Variants in RYR2 observed in about 807,000 individuals in gnomAD.
RYR2 encodes ryanodine receptor 2.
RYR2 carries 227 observed loss-of-function variants against 601.1 expected under a neutral mutation model. The observed-to-expected ratio is 0.38, with a 90% CI of 0.34 to 0.42. RYR2 has a LOEUF of 0.42. RYR2 is among the 10% of genes least tolerant of loss of function. RYR2 has a pLI of 1.00. For synonymous variants in RYR2, 2,223 were observed against 2,175.1 expected (o/e 1.02, Z -0.61); for missense variants, 4,646 against 6,156.5 (o/e 0.75, Z 8.21).
At chr1:237,577,682 A>G (rs1211559085) in intron 29 of RYR2, among the ~76,000 whole-genome samples, 2 of 147,026 alleles carry the variant, frequency 1.4e-5, no homozygotes, top group Non-Finnish European at 3.0e-5. Context: ...CTGTTGAGCA[A>G]TAGGTTGGTA....
intron 17 of RYR2, among the ~76,000 whole-genome samples, chr1:237,481,727 A>C (rs1662113196): frequency 6.6e-6 from 1 of 150,930 alleles, no homozygotes; most frequent in African/African-American, 2.4e-5. Flanking sequence ...GAACCCTCTC[A>C]GATGCACAGG....
chr1:237,812,888 G>T (rs1048087602), intron 100 of RYR2, among the ~76,000 whole-genome samples: 3 of 95,798 alleles, frequency 3.1e-5, no homozygotes, highest in Admixed American at 3.1e-4. Context: ...AGAGAAAAAT[G>T]TATAAGTTTT....
At chr1:237,243,386 C>T (rs948753096) in intron 1 of RYR2, among the ~76,000 whole-genome samples, 1 of 138,194 alleles carries the variant, frequency 7.2e-6, no homozygotes, top group Non-Finnish European at 1.7e-5. Context: ...GATCAGCTCA[C>T]GGAACTCAGG....
At chr1:237,357,656 A>C (rs1253596023) in intron 4 of RYR2, among the ~76,000 whole-genome samples, 1 of 152,150 alleles carries the variant, frequency 6.6e-6, no homozygotes, top group Non-Finnish European at 1.5e-5. Context: ...AAATCATTGC[A>C]GTAGAGATTG....
At position 237,180,235 on chromosome 1, in the gene RYR2, C is replaced by T. The variant is rs902597664; in HGVS notation, c.49-90262C>T. On this transcript the variant is annotated intron_variant, in intron 1 of 104. Transcript: ENST00000366574. This position sits in a 1 kb window ranked among gnomAD's most constrained non-coding sequence, Gnocchi z 5.3. ...CTCCTGGGGCTGGCTAGAGGACAGA[C>T]AGGGGTGAGCACAGCTCAGGTGAGG... is the stretch of plus-strand genomic sequence containing the variant. Among the ~76,000 whole-genome samples the T allele has an allele frequency of 2.6e-5, 4 of 150,966 alleles. No homozygotes were observed. Among genetic ancestry groups the T allele is most frequent in the Non-Finnish European group, 1.5e-5 (1 of 68,010 alleles).
At chr1:237,377,944 G>C (rs1207881906) in intron 8 of RYR2, among the ~76,000 whole-genome samples, 1 of 152,204 alleles carries the variant, frequency 6.6e-6, no homozygotes, top group Non-Finnish European at 1.5e-5. Flanking sequence ...GCTGGAAATG[G>C]GAGAATGAAG....
chr1:237,182,679 A>G (rs1678910940), intron 1 of RYR2, among the ~76,000 whole-genome samples: 1 of 152,224 alleles, frequency 6.6e-6, no homozygotes. Context: ...ATTGTTAGTT[A>G]CAACGGTATA....
intron 29 of RYR2, among the ~76,000 whole-genome samples, chr1:237,588,839 A>T (rs952475465): frequency 1.3e-5 from 2 of 152,098 alleles, no homozygotes; most frequent in African/African-American, 4.8e-5. Flanking sequence ...TCTCAAAAAA[A>T]AAAAAGAGTA....
At chr1:237,384,149 T>C (rs552303352) in intron 8 of RYR2, among the ~76,000 whole-genome samples, 1 of 152,356 alleles carries the variant, frequency 6.6e-6, no homozygotes, top group East Asian at 1.9e-4. Context: ...TAGAGAACTT[T>C]ATATGACTGT....
intron 24 of RYR2, among the ~76,000 whole-genome samples, chr1:237,517,871 G>A (rs1236203710): frequency 1.3e-5 from 2 of 151,784 alleles, no homozygotes; most frequent in African/African-American, 4.8e-5. Flanking sequence ...GGTATCCAGC[G>A]CATAACATTC....
intron 102 of RYR2, 161 bp from the exon 103 acceptor site, chr1:237,830,369 G>A (rs1420987611): frequency 2.4e-5 from 13 of 541,024 alleles, no homozygotes; most frequent in African/African-American, 1.3e-4. Context: ...TAGTTACAGC[G>A]ACAGTTCCAT....
chr1:237,144,940 C>T (rs1181163109), intron 1 of RYR2, among the ~76,000 whole-genome samples: 1 of 152,064 alleles, frequency 6.6e-6, no homozygotes, highest in Non-Finnish European at 1.5e-5. Context: ...TTATAATTTC[C>T]TTGCTTGTAC....
intron 1 of RYR2, among the ~76,000 whole-genome samples, chr1:237,209,497 A>ATATGTGTGTGTGTGTGTGTGTGTG (rs138024057): frequency 8.4e-5 from 12 of 143,304 alleles, no homozygotes; most frequent in African/African-American, 3.0e-4. Context: ...ATCTGCATAT[A>ATATGTGTGTGTGTGTGTGTGTGTG]TGTGTGTGTG....
rs545572071 is a variant in RYR2, at chr1:237,354,020, T to C, written c.274-1945T>C. On this transcript the variant is annotated intron_variant, in intron 3 of 104. Transcript: ENST00000366574. ...GTCAACAAGAACAAGAGACGTGTCA[T>C]GAAATCGTTCTGCATTGCTTATGCA... 3.8e-4 allele frequency among the ~76,000 whole-genome samples: 58 copies of C among 152,326 alleles called. No homozygotes were observed. In the South Asian group the frequency reaches 7.7e-3, roughly 20 times the overall value.
chr1:237,442,520 A>G (rs1316819094), intron 13 of RYR2, among the ~76,000 whole-genome samples: 1 of 152,212 alleles, frequency 6.6e-6, no homozygotes, highest in African/African-American at 2.4e-5. Flanking sequence ...TAATTCTATT[A>G]CATCATTGAC....
In RYR2 at chr1:237,313,128, T is replaced by C. The variant is rs184628080; in HGVS notation, c.169-17750T>C. Among the ~76,000 whole-genome samples the C allele has an allele frequency of 3.3e-5, 5 of 152,290 alleles. No individual in the cohort carries two copies. The East Asian group carries it at 9.6e-4, about 29-fold the overall frequency. On this transcript the variant is annotated intron_variant, in intron 2 of 104. Coordinates refer to ENST00000366574, the MANE Select transcript of RYR2 (RefSeq NM_001035.3). ...TTTTTCTTATTTTTAATTTTAATTT[T>C]TAAATAAGATATGTAAGTATTGAAG... is the stretch of plus-strand genomic sequence containing the variant.
chr1:237,213,709 C>T (rs1355624897), intron 1 of RYR2, among the ~76,000 whole-genome samples: 1 of 151,816 alleles, frequency 6.6e-6, no homozygotes, highest in African/African-American at 2.4e-5. Context: ...TAGTGTGGTG[C>T]TTTTACATTT....
intron 60 of RYR2, among the ~76,000 whole-genome samples, chr1:237,675,426 C>A (rs774681087): frequency 1.3e-5 from 2 of 152,162 alleles, no homozygotes; most frequent in Non-Finnish European, 2.9e-5. Flanking sequence ...CCGGTCACTT[C>A]TGTTATTTTG....
intron 100 of RYR2, among the ~76,000 whole-genome samples, chr1:237,814,217 C>T (rs1023243123): frequency 2.0e-5 from 3 of 152,172 alleles, no homozygotes; most frequent in Admixed American, 2.0e-4. Flanking sequence ...AAAGTACAGG[C>T]TTATTAAAAC....
Sources: gnomAD v4.1 joint callset for allele counts (sites outside exome capture counted in the v4.1 genomes callset) on GRCh38, gnomAD v4.1.1 for gene constraint, Gnocchi (gnomAD v3.1) non-coding constraint, MANE v1.5 for transcripts, NCBI Gene and HGNC (gene_info 2026-07-23, HGNC 2026-07-21) for gene names.